The following SPSB4 variants were observed in gnomAD, a reference collection of about 807,000 sequenced individuals.
SPSB4 encodes the protein splA/ryanodine receptor domain and SOCS box containing 4, also known as SPRY domain-containing SOCS box protein 4.
A neutral mutation model predicts 20.9 loss-of-function variants in SPSB4; 21 were observed. The observed-to-expected ratio is 1.01, with a 90% CI of 0.71 to 1.45. The LOEUF is 1.45. Ranked by LOEUF, SPSB4 falls within the 40% of genes most tolerant of loss-of-function variation. SPSB4 has a pLI of 0.00. For missense variants in SPSB4, 399 were observed against 399.2 expected, an observed-to-expected ratio of 1.00 and a Z score of 0.00; for synonymous variants, 207 against 183.8, an observed-to-expected ratio of 1.13 and a Z score of -1.02.
At chr3:141,138,183 C>T (rs1436587733) in intron 2 of SPSB4, among the ~76,000 whole-genome samples, 14 of 151,880 alleles carry the variant, frequency 9.2e-5, no homozygotes, top group Non-Finnish European at 1.0e-4. Context: ...TGGTGATATC[C>T]CCTTTGTCAT....
chr3:141,136,448 T>C (rs969732257), intron 2 of SPSB4, among the ~76,000 whole-genome samples: 59 of 152,244 alleles, frequency 3.9e-4, no homozygotes, highest in Admixed American at 7.9e-4. Context: ...GCCTAGGTTT[T>C]CTTCTAGGGT....
intron 2 of SPSB4, among the ~76,000 whole-genome samples, chr3:141,078,713 G>A (rs1168501100): frequency 6.6e-6 from 1 of 152,188 alleles, no homozygotes; most frequent in African/African-American, 2.4e-5. Flanking sequence ...TACCTCCTGA[G>A]GGGCCTCTGG....
intron 1 of SPSB4, among the ~76,000 whole-genome samples, chr3:141,061,212 G>A: frequency 6.6e-6 from 1 of 151,806 alleles, no homozygotes; most frequent in Non-Finnish European, 1.5e-5. Flanking sequence ...TAATTTTTAG[G>A]TGAAATAATC....
intron 2 of SPSB4, among the ~76,000 whole-genome samples, chr3:141,110,888 A>AGAGGT (rs933325989): frequency 4.6e-5 from 7 of 152,264 alleles, no homozygotes; most frequent in East Asian, 1.9e-4. Flanking sequence ...TGAGAGTCCC[A>AGAGGT]GAGGTGAAGT....
At chr3:141,085,399 G>C (rs945156429) in intron 2 of SPSB4, among the ~76,000 whole-genome samples, 7 of 152,142 alleles carry the variant, frequency 4.6e-5, no homozygotes, top group Non-Finnish European at 8.8e-5. Context: ...GGCTCCTTCT[G>C]CCTGCTGCTC....
intron 1 of SPSB4, among the ~76,000 whole-genome samples, chr3:141,061,588 T>TTGA (rs1937762217): frequency 6.6e-6 from 1 of 151,864 alleles, no homozygotes; most frequent in Non-Finnish European, 1.5e-5. Flanking sequence ...TGAACCAGTA[T>TTGA]TGATACATTA....
intron 1 of SPSB4, among the ~76,000 whole-genome samples, chr3:141,062,560 G>A (rs1020362408): frequency 1.3e-5 from 2 of 152,194 alleles, no homozygotes; most frequent in East Asian, 3.9e-4. Context: ...CACCCCGCAG[G>A]TTCTAGTATG....
At chr3:141,084,680 A>C (rs1381051706) in intron 2 of SPSB4, among the ~76,000 whole-genome samples, 1 of 152,198 alleles carries the variant, frequency 6.6e-6, no homozygotes. Flanking sequence ...TGGCACAGGC[A>C]TTAACCTGGA....
At chr3:141,085,250 T>C (rs1938317302) in intron 2 of SPSB4, among the ~76,000 whole-genome samples, 1 of 152,170 alleles carries the variant, frequency 6.6e-6, no homozygotes, top group African/African-American at 2.4e-5. Flanking sequence ...TGGAACTGTA[T>C]CAGTGAGAAT....
chr3:141,121,008 G>A (rs914442615), intron 2 of SPSB4, among the ~76,000 whole-genome samples: 1 of 149,984 alleles, frequency 6.7e-6, no homozygotes, highest in African/African-American at 2.4e-5. Context: ...TCCTAGCTTC[G>A]ATGCTCTTTA....
chr3:141,125,474 A>G (rs1332236741), intron 2 of SPSB4, among the ~76,000 whole-genome samples: 2 of 152,206 alleles, frequency 1.3e-5, no homozygotes, highest in Admixed American at 6.5e-5. Flanking sequence ...CCTGAAGACC[A>G]GGACTCCCAT....
chr3:141,130,895 G>T (rs1939120074), intron 2 of SPSB4, among the ~76,000 whole-genome samples: 1 of 152,208 alleles, frequency 6.6e-6, no homozygotes, highest in Non-Finnish European at 1.5e-5. Flanking sequence ...GAGAACTTTT[G>T]AAATGATTAC....
chr3:141,067,157 C>G (rs1045914800), intron 2 of SPSB4, among the ~76,000 whole-genome samples: 7 of 152,234 alleles, frequency 4.6e-5, no homozygotes, highest in African/African-American at 1.7e-4. Flanking sequence ...ATCTTCCAGT[C>G]TGTACAAAGG....
chr3:141,065,833 C>T (rs535360931), intron 1 of SPSB4, 119 bp from the exon 2 acceptor site: 6 of 439,046 alleles, frequency 1.4e-5, no homozygotes, highest in East Asian at 8.1e-5. Context: ...TATGAGTGTA[C>T]GAATTATTAC....
At chr3:141,132,252 C>T in intron 2 of SPSB4, 4 of 418,324 alleles carry the variant, frequency 9.6e-6, no homozygotes, top group South Asian at 6.6e-5. Context: ...ACTGCAACCT[C>T]CGCCTCCCGG....
intron 2 of SPSB4, among the ~76,000 whole-genome samples, chr3:141,134,030 C>CTTTTTTTTTTTTTTT (rs1207127072): frequency 3.2e-4 from 12 of 37,760 alleles, no homozygotes; most frequent in African/African-American, 6.5e-4. Context: ...TTTTTTTTTT[C>CTTTTTTTTTTTTTTT]TTTTCTTTTT....
chr3:141,114,522 G>A (rs1938855515), intron 2 of SPSB4, among the ~76,000 whole-genome samples: 1 of 152,198 alleles, frequency 6.6e-6, no homozygotes, highest in African/African-American at 2.4e-5. Flanking sequence ...GGGAAAATGA[G>A]GCCGAGTCTA....
At chr3:141,114,833 A>G (rs1938859698) in intron 2 of SPSB4, among the ~76,000 whole-genome samples, 1 of 152,214 alleles carries the variant, frequency 6.6e-6, no homozygotes, top group African/African-American at 2.4e-5. Flanking sequence ...GTCTACGGTA[A>G]AATAAGAAAG....
Position 141,145,759 on chromosome 3 carries a change from A to C in SPSB4, c.695-1383A>C, listed in dbSNP as rs114556009. Among the ~76,000 whole-genome samples the C allele has an allele frequency of 6.5e-3, 983 of 152,274 alleles. 13 individuals are homozygous for C. The highest frequency in any genetic ancestry group is 0.023 in the African/African-American group (947 of 41,538). On this transcript the variant is annotated intron_variant, in intron 2 of 2. Coordinates refer to ENST00000310546, the MANE Select transcript of SPSB4 (RefSeq NM_080862.3). ...CCATACCAGATGCCATGTGACCACC[A>C]TCATCATCTTCCTTCCAGCTGATGC...
Sources: allele counts gnomAD v4.1 joint callset (sites outside exome capture counted in the v4.1 genomes callset), GRCh38; gene constraint gnomAD v4.1.1; transcripts MANE v1.5; gene names NCBI Gene and HGNC (gene_info 2026-07-23, HGNC 2026-07-21).